Variants in HPCAL1 observed in about 807,000 individuals in gnomAD.
HPCAL1 encodes the protein hippocalcin like 1.
HPCAL1 carries 8 observed loss-of-function variants against 17.1 expected under a neutral mutation model. The ratio of observed to expected loss-of-function variants is 0.47; its 90% CI spans 0.27 to 0.84. The LOEUF is 0.84. Among genes scored for constraint, HPCAL1 ranks in the 40% least tolerant of loss-of-function variants. The pLI, the probability that HPCAL1 is intolerant of heterozygous loss-of-function variation, is 0.13. For missense variants in HPCAL1, 165 were observed against 271.1 expected (o/e 0.61, Z 2.75); for synonymous variants, 112 against 111.4 (o/e 1.01, Z -0.03).
At chr2:10,336,745 T>C (rs1664745765) in intron 1 of HPCAL1, among the ~76,000 whole-genome samples, 1 of 152,164 alleles carries the variant, frequency 6.6e-6, no homozygotes, top group Admixed American at 6.5e-5. Context: ...ATAATTCTAT[T>C]TCTGTTTTTC....
At chr2:10,414,352 G>A (rs1032353585) in intron 2 of HPCAL1, among the ~76,000 whole-genome samples, 1 of 152,152 alleles carries the variant, frequency 6.6e-6, no homozygotes, top group Non-Finnish European at 1.5e-5. Flanking sequence ...ACGGTCTGGA[G>A]GCCAGAAGTC....
Position 10,342,204 on chromosome 2 carries a change from C to T in HPCAL1, c.-111+39027C>T, listed in dbSNP as rs980527221. Among the ~76,000 whole-genome samples, 3 of 152,036 alleles carry T rather than the reference C, an allele frequency of 2.0e-5. No individual in the cohort carries two copies. Among genetic ancestry groups the T allele is most frequent in the African/African-American group, 4.8e-5 (2 of 41,380 alleles). ...ATAATAATAATAAAGCTTTGCTCCC[C>T]GTTTCATTTAGATGGAGCGTTTGTG... On this transcript the variant is annotated intron_variant, in intron 1 of 4. Coordinates refer to ENST00000307845, the MANE Select transcript of HPCAL1 (RefSeq NM_002149.4). This position sits in a 1 kb window ranked among gnomAD's most constrained non-coding sequence, Gnocchi z 4.1.
chr2:10,356,258 G>A (rs1666146284), intron 1 of HPCAL1, among the ~76,000 whole-genome samples: 1 of 152,164 alleles, frequency 6.6e-6, no homozygotes, highest in Admixed American at 6.5e-5. Context: ...AAGACAGGAC[G>A]GGCCTATAGT....
In HPCAL1 at chr2:10,330,491, A is replaced by C. The variant is rs1219938911; in HGVS notation, c.-111+27314A>C. On this transcript the variant is annotated intron_variant, in intron 1 of 4. Coordinates refer to ENST00000307845, the MANE Select transcript of HPCAL1 (RefSeq NM_002149.4). This position sits in a 1 kb window ranked among gnomAD's most constrained non-coding sequence, Gnocchi z 4.2. ...ACAACAGGAATTCTTTTTTTTTTAC[A>C]GTATTGGAGGCTGATGTCTGAGACA... is the stretch of plus-strand genomic sequence containing the variant. Among the ~76,000 whole-genome samples the C allele has an allele frequency of 6.6e-6, 1 of 150,630 alleles. No homozygotes were observed. Among genetic ancestry groups the C allele is most frequent in the African/African-American group, 2.5e-5 (1 of 40,746 alleles).
chr2:10,321,412 G>A (rs2125403063), intron 1 of HPCAL1, among the ~76,000 whole-genome samples: 1 of 152,020 alleles, frequency 6.6e-6, no homozygotes, highest in East Asian at 1.9e-4. Flanking sequence ...AGTGAGAGAT[G>A]CAGTTTTTTT....
intron 1 of HPCAL1, chr2:10,303,827 C>T (rs1482621305): frequency 1.3e-5 from 2 of 152,326 alleles, no homozygotes; most frequent in Non-Finnish European, 2.9e-5. Context: ...GCGCCACCTT[C>T]CCCGGTCGCG....
intron 2 of HPCAL1, among the ~76,000 whole-genome samples, chr2:10,399,592 C>T (rs1669458778): frequency 7.2e-6 from 1 of 138,770 alleles, no homozygotes; most frequent in Admixed American, 7.3e-5. Flanking sequence ...ACCGCCACCG[C>T]CACCACCACC....
chr2:10,354,795 C>T lies in HPCAL1; in HGVS notation c.-110-42040C>T, dbSNP rs533625440. The stretch of plus-strand genomic sequence containing the variant: ...GTACAAATGCCCTGGGTTTTCCAAA[C>T]GTGTCTGATCTTAAATACACAGCCC... On this transcript the variant is annotated intron_variant, in intron 1 of 4. Transcript: ENST00000307845. The surrounding 1 kb of genome is among the most constrained non-coding windows in gnomAD (Gnocchi z 5.1). Among the ~76,000 whole-genome samples, 3 of 152,236 alleles carry T rather than the reference C, an allele frequency of 2.0e-5. No individual in the cohort carries two copies. Among genetic ancestry groups the T allele is most frequent in the Non-Finnish European group, 4.4e-5 (3 of 68,044 alleles).
chr2:10,366,717 G>A (rs917618302), intron 1 of HPCAL1, among the ~76,000 whole-genome samples: 16 of 152,102 alleles, frequency 1.1e-4, no homozygotes, highest in Non-Finnish European at 2.1e-4. Flanking sequence ...CACCTGCCCC[G>A]GCTCCCCAGC....
At chr2:10,352,010 C>A (rs1665875312) in intron 1 of HPCAL1, among the ~76,000 whole-genome samples, 1 of 151,040 alleles carries the variant, frequency 6.6e-6, no homozygotes, top group South Asian at 2.1e-4. Context: ...TCAAGAGATT[C>A]TCATGCCTCA....
At chr2:10,380,069 A>G (rs1667844588) in intron 1 of HPCAL1, among the ~76,000 whole-genome samples, 1 of 147,890 alleles carries the variant, frequency 6.8e-6, no homozygotes. Flanking sequence ...AGCTCTGCAC[A>G]GATTTAATTG....
At chr2:10,303,367 T>C (rs928599916) in intron 1 of HPCAL1, among the ~76,000 whole-genome samples, 190 bp downstream of exon 1, 8 of 152,182 alleles carry the variant, frequency 5.3e-5, no homozygotes, top group African/African-American at 1.9e-4. Context: ...GTGGTGTGTC[T>C]TTCGAATGGC....
intron 2 of HPCAL1, among the ~76,000 whole-genome samples, chr2:10,402,896 C>T (rs1039224827): frequency 1.3e-5 from 2 of 152,136 alleles, no homozygotes; most frequent in Non-Finnish European, 2.9e-5. Flanking sequence ...CCAGGGAGGA[C>T]GCGCGTCTCA....
chr2:10,418,394 A>C (rs1321561859), intron 2 of HPCAL1, among the ~76,000 whole-genome samples: 1 of 143,446 alleles, frequency 7.0e-6, no homozygotes, highest in East Asian at 2.0e-4. Flanking sequence ...AGATCACACC[A>C]CTGCACACTC....
intron 2 of HPCAL1, among the ~76,000 whole-genome samples, chr2:10,407,430 T>C (rs1341413143): frequency 6.6e-6 from 1 of 152,254 alleles, no homozygotes; most frequent in African/African-American, 2.4e-5. Flanking sequence ...GCTCAGGCAC[T>C]GTGCTAGGCG....
At chr2:10,383,943 C>T (rs934028148) in intron 1 of HPCAL1, among the ~76,000 whole-genome samples, 5 of 151,974 alleles carry the variant, frequency 3.3e-5, no homozygotes, top group African/African-American at 9.7e-5. Flanking sequence ...CAAATGTACC[C>T]GGGAAAATCA....
intron 1 of HPCAL1, among the ~76,000 whole-genome samples, chr2:10,314,350 G>T (rs563912090): frequency 1.6e-4 from 25 of 152,138 alleles, no homozygotes; most frequent in Non-Finnish European, 3.4e-4. Context: ...GAGCTCTGTG[G>T]GTTGGTTTCA....
At chr2:10,397,410 A>C (rs1046865696) in intron 2 of HPCAL1, among the ~76,000 whole-genome samples, 1 of 151,964 alleles carries the variant, frequency 6.6e-6, no homozygotes, top group Non-Finnish European at 1.5e-5. Flanking sequence ...CACCCACGCC[A>C]GATAAGCTGT....
At chr2:10,368,076 A>T (rs1666956133) in intron 1 of HPCAL1, among the ~76,000 whole-genome samples, 1 of 147,252 alleles carries the variant, frequency 6.8e-6, no homozygotes, top group African/African-American at 2.7e-5. Context: ...GTCCATACAC[A>T]TGTGTAGGTG....
Sources: gnomAD v4.1 joint callset for allele counts (sites outside exome capture counted in the v4.1 genomes callset) on GRCh38, gnomAD v4.1.1 for gene constraint, Gnocchi (gnomAD v3.1) non-coding constraint, MANE v1.5 for transcripts, NCBI Gene and HGNC (gene_info 2026-07-23, HGNC 2026-07-21) for gene names.